SCPPPQ1: variants seen among roughly 807,000 people sequenced by gnomAD.
The protein encoded by SCPPPQ1 is secretory calcium-binding phosphoprotein proline- and glutamine-rich 1.
At chr4:87,465,559 C>CCAA in the SCPPPQ1 span, among the ~76,000 whole-genome samples, 49 of 98,302 alleles carry the variant, frequency 5.0e-4, no homozygotes, top group African/African-American at 2.2e-3. Context: ...TAGAAATCTA[C>CCAA]AAAAAAAAAA....
At chr4:87,461,391 T>G in the SCPPPQ1 span, among the ~76,000 whole-genome samples, 60 of 152,344 alleles carry the variant, frequency 3.9e-4, no homozygotes, top group African/African-American at 1.3e-3. Context: ...TGGAAGATTA[T>G]GTGTAACATA....
the SCPPPQ1 span, among the ~76,000 whole-genome samples, chr4:87,463,681 A>G: frequency 6.6e-6 from 1 of 152,148 alleles, no homozygotes; most frequent in African/African-American, 2.4e-5. Context: ...TTGTAATGAT[A>G]TTTACCATAT....
the SCPPPQ1 span, among the ~76,000 whole-genome samples, chr4:87,463,619 A>G: frequency 1.3e-5 from 2 of 152,186 alleles, no homozygotes; most frequent in South Asian, 4.1e-4. Flanking sequence ...TAAAATGACA[A>G]TATCTGGATT....
At chr4:87,465,614 A>G in the SCPPPQ1 span, among the ~76,000 whole-genome samples, 5 of 149,646 alleles carry the variant, frequency 3.3e-5, no homozygotes, top group African/African-American at 9.8e-5. Flanking sequence ...AACTGTGAAC[A>G]CTCTCTCTTG....
chr4:87,463,493 T>A, the SCPPPQ1 span, among the ~76,000 whole-genome samples: 1 of 152,186 alleles, frequency 6.6e-6, no homozygotes, highest in Non-Finnish European at 1.5e-5. Context: ...GGTTAATTTT[T>A]AAACCTACAT....
chr4:87,464,881 TAATATGCTGAAATATAC>T, the SCPPPQ1 span, among the ~76,000 whole-genome samples: 6 of 152,192 alleles, frequency 3.9e-5, no homozygotes, highest in African/African-American at 1.4e-4. Flanking sequence ...TACTTGGAGT[TAATATGCTGAAATATAC>T]ATAACTTTTT....
the SCPPPQ1 span, among the ~76,000 whole-genome samples, chr4:87,464,798 A>C: frequency 6.6e-6 from 1 of 152,202 alleles, no homozygotes; most frequent in Non-Finnish European, 1.5e-5. Context: ...TGATTGCACC[A>C]CTTCCAGCTT....
chr4:87,464,106 A>G, the SCPPPQ1 span, among the ~76,000 whole-genome samples: 1,071 of 152,266 alleles, frequency 7.0e-3, 13 homozygotes, highest in African/African-American at 0.025. Context: ...TACCTTAATT[A>G]GGACCATTGA....
the SCPPPQ1 span, among the ~76,000 whole-genome samples, chr4:87,467,634 T>G: frequency 6.6e-6 from 1 of 152,180 alleles, no homozygotes; most frequent in African/African-American, 2.4e-5. Context: ...GAGGGAAATT[T>G]GCTAGCCCCT....
At chr4:87,466,663 C>A in the SCPPPQ1 span, among the ~76,000 whole-genome samples, 1 of 152,100 alleles carries the variant, frequency 6.6e-6, no homozygotes, top group Non-Finnish European at 1.5e-5. Flanking sequence ...AACAGTTACA[C>A]AAAATCATGT....
chr4:87,468,508 G>T, the SCPPPQ1 span, among the ~76,000 whole-genome samples: 2 of 152,126 alleles, frequency 1.3e-5, no homozygotes, highest in Non-Finnish European at 2.9e-5. Flanking sequence ...ATTCAGACTA[G>T]TAAACCCAGA....
chr4:87,467,051 T>C, the SCPPPQ1 span, among the ~76,000 whole-genome samples: 2 of 152,208 alleles, frequency 1.3e-5, no homozygotes, highest in African/African-American at 2.4e-5. Flanking sequence ...GCTGTTCCTC[T>C]GCCTGAAATG....
At chr4:87,470,695 GTTA>G in the SCPPPQ1 span, among the ~76,000 whole-genome samples, 1 of 152,076 alleles carries the variant, frequency 6.6e-6, no homozygotes, top group African/African-American at 2.4e-5. Flanking sequence ...ACTTTATCAT[GTTA>G]TTATTAAGAC....
the SCPPPQ1 span, among the ~76,000 whole-genome samples, chr4:87,466,042 C>T: frequency 0.28 from 42,185 of 151,986 alleles, 7,174 homozygotes; most frequent in East Asian, 0.41. Flanking sequence ...ATGTTAACAG[C>T]GATTCCTAAG....
the SCPPPQ1 span, among the ~76,000 whole-genome samples, chr4:87,463,243 G>A: frequency 6.6e-6 from 1 of 151,266 alleles, no homozygotes; most frequent in Admixed American, 6.6e-5. Flanking sequence ...CTTACCTTTC[G>A]TGGCATTGAA....
At chr4:87,469,788 A>G in the SCPPPQ1 span, among the ~76,000 whole-genome samples, 1 of 152,128 alleles carries the variant, frequency 6.6e-6, no homozygotes, top group East Asian at 1.9e-4. Context: ...TAAGCCTACA[A>G]GAGTGTTTTT....
chr4:87,470,119 A>G, the SCPPPQ1 span, among the ~76,000 whole-genome samples: 2 of 151,980 alleles, frequency 1.3e-5, no homozygotes, highest in African/African-American at 2.4e-5. Context: ...ACACTTGGCT[A>G]ATTTTAAAAA....
the SCPPPQ1 span, among the ~76,000 whole-genome samples, chr4:87,470,254 C>T: frequency 6.6e-6 from 1 of 152,202 alleles, no homozygotes; most frequent in Non-Finnish European, 1.5e-5. Flanking sequence ...GTGTGAGCCA[C>T]TGTGCTCAAT....
At chr4:87,463,849 A>G in the SCPPPQ1 span, among the ~76,000 whole-genome samples, 9 of 152,350 alleles carry the variant, frequency 5.9e-5, no homozygotes, top group Admixed American at 4.6e-4. Context: ...GAACTTGCTT[A>G]TACAAGCAGT....
Sources: allele counts gnomAD v4.1 joint callset (sites outside exome capture counted in the v4.1 genomes callset), GRCh38; gene constraint gnomAD v4.1.1; transcripts MANE v1.5; gene names NCBI Gene and HGNC (gene_info 2026-07-23, HGNC 2026-07-21).